Variants in QTMAN observed in about 807,000 individuals in gnomAD.
QTMAN encodes the protein tRNA-queuosine alpha-mannosyltransferase.
chr2:144,080,274 CA>C, the QTMAN span, among the ~76,000 whole-genome samples: 1 of 152,048 alleles, frequency 6.6e-6, no homozygotes, highest in Non-Finnish European at 1.5e-5. Flanking sequence ...CAATTAAATA[CA>C]CATTTCTGGA....
the QTMAN span, among the ~76,000 whole-genome samples, chr2:143,983,031 A>C: frequency 6.6e-6 from 1 of 152,168 alleles, no homozygotes; most frequent in African/African-American, 2.4e-5. Flanking sequence ...CACATATGAC[A>C]ATTTTAAATG....
chr2:143,976,795 A>G, the QTMAN span, among the ~76,000 whole-genome samples: 1 of 152,124 alleles, frequency 6.6e-6, no homozygotes, highest in African/African-American at 2.4e-5. Flanking sequence ...CCTCACCATC[A>G]TTTACTTAAG....
the QTMAN span, among the ~76,000 whole-genome samples, chr2:144,099,350 T>G: frequency 6.6e-6 from 1 of 152,160 alleles, no homozygotes; most frequent in Non-Finnish European, 1.5e-5. Flanking sequence ...GCAAATGTAG[T>G]AAATAGAAGA....
chr2:144,061,199 A>G, the QTMAN span, among the ~76,000 whole-genome samples: 1 of 152,192 alleles, frequency 6.6e-6, no homozygotes, highest in South Asian at 2.1e-4. Flanking sequence ...ATTTTTTTAT[A>G]GCTTGGAAGT....
At chr2:144,105,125 A>C in the QTMAN span, among the ~76,000 whole-genome samples, 18 of 152,286 alleles carry the variant, frequency 1.2e-4, no homozygotes, top group Non-Finnish European at 2.5e-4. Context: ...ATCATCAAAG[A>C]TCGAAGGTAG....
At chr2:144,213,313 T>G in the QTMAN span, among the ~76,000 whole-genome samples, 1 of 152,178 alleles carries the variant, frequency 6.6e-6, no homozygotes, top group South Asian at 2.1e-4. Context: ...CATTTAGAAC[T>G]GCTGTGGTAG....
the QTMAN span, among the ~76,000 whole-genome samples, chr2:144,200,983 C>T: frequency 6.6e-6 from 1 of 152,106 alleles, no homozygotes; most frequent in African/African-American, 2.4e-5. Context: ...ATTCCTTCGA[C>T]CACATTTTCT....
the QTMAN span, among the ~76,000 whole-genome samples, chr2:144,288,911 A>G: frequency 3.3e-5 from 5 of 152,166 alleles, no homozygotes; most frequent in Admixed American, 3.3e-4. Flanking sequence ...AGAGGGAGGG[A>G]AACAGATAGG....
the QTMAN span, among the ~76,000 whole-genome samples, chr2:144,019,511 C>T: frequency 1.6e-3 from 235 of 144,304 alleles, 7 homozygotes; most frequent in East Asian, 0.049. Context: ...AAGAAGGTTG[C>T]GTGTTCCACA....
chr2:144,331,709 C>T, the QTMAN span, among the ~76,000 whole-genome samples: 13 of 152,174 alleles, frequency 8.5e-5, no homozygotes. Flanking sequence ...ATTCCCAAGA[C>T]TTAAATTCAG....
chr2:143,963,965 C>T, the QTMAN span: 83 of 152,200 alleles, frequency 5.5e-4, no homozygotes, highest in African/African-American at 1.9e-3. Context: ...TGAGAATCGA[C>T]TTCAAATGCA....
the QTMAN span, among the ~76,000 whole-genome samples, chr2:144,239,148 T>A: frequency 1.5e-5 from 2 of 134,242 alleles, no homozygotes; most frequent in African/African-American, 2.9e-5. Flanking sequence ...AAGACAGATA[T>A]ACGCACTGTT....
At chr2:144,057,827 A>G in the QTMAN span, among the ~76,000 whole-genome samples, 1 of 152,136 alleles carries the variant, frequency 6.6e-6, no homozygotes, top group Non-Finnish European at 1.5e-5. Context: ...ACCAGGATCC[A>G]GGGTTTAGAA....
the QTMAN span, among the ~76,000 whole-genome samples, chr2:143,976,116 A>G: frequency 5.9e-5 from 9 of 152,190 alleles, no homozygotes; most frequent in Admixed American, 2.6e-4. Context: ...CACACAGAAG[A>G]GACTGGGTCT....
the QTMAN span, among the ~76,000 whole-genome samples, chr2:144,255,076 G>T: frequency 6.6e-6 from 1 of 152,166 alleles, no homozygotes; most frequent in Admixed American, 6.5e-5. Context: ...TGAGACTTTG[G>T]ACTTGGACTT....
chr2:143,971,590 C>T, the QTMAN span, among the ~76,000 whole-genome samples: 2 of 152,060 alleles, frequency 1.3e-5, no homozygotes, highest in Non-Finnish European at 2.9e-5. Flanking sequence ...TTTTTTTTAA[C>T]ATCCTAAGGT....
At chr2:144,043,374 G>C in the QTMAN span, among the ~76,000 whole-genome samples, 4 of 152,014 alleles carry the variant, frequency 2.6e-5, 1 homozygote, top group Non-Finnish European at 5.9e-5. Flanking sequence ...AGTGGCTCAC[G>C]CCTGTAATCC....
At chr2:143,978,838 TA>T in the QTMAN span, among the ~76,000 whole-genome samples, 1 of 152,240 alleles carries the variant, frequency 6.6e-6, no homozygotes, top group East Asian at 1.9e-4. Flanking sequence ...TCAAACTGAC[TA>T]ATCATTTGGA....
At chr2:144,081,067 C>T in the QTMAN span, among the ~76,000 whole-genome samples, 3 of 152,100 alleles carry the variant, frequency 2.0e-5, no homozygotes, top group South Asian at 2.1e-4. Flanking sequence ...ATTGAAAAAC[C>T]TTTAACTGCT....
Sources: gnomAD v4.1 joint callset for allele counts (sites outside exome capture counted in the v4.1 genomes callset) on GRCh38, gnomAD v4.1.1 for gene constraint, MANE v1.5 for transcripts, NCBI Gene and HGNC (gene_info 2026-07-23, HGNC 2026-07-21) for gene names.